RBMS1: variants seen among roughly 807,000 people sequenced by gnomAD.
RBMS1 encodes the protein RNA binding motif single stranded interacting protein 1, also known as RNA-binding motif, single-stranded-interacting protein 1.
A neutral mutation model predicts 62.3 loss-of-function variants in RBMS1; 17 were observed. The observed-to-expected ratio is 0.27, with a 90% confidence interval of 0.19 to 0.41. The LOEUF is 0.41. Ranked by LOEUF, RBMS1 falls within the 10% of genes least tolerant of loss-of-function variation. The pLI is 1.00. For synonymous variants in RBMS1, 172 were observed against 170.0 expected (o/e 1.01, Z -0.09); for missense variants, 334 against 504.5 (o/e 0.66, Z 3.24).
At chr2:160,461,730 G>T (rs1398780112) in intron 1 of RBMS1, among the ~76,000 whole-genome samples, 1 of 152,178 alleles carries the variant, frequency 6.6e-6, no homozygotes, top group African/African-American at 2.4e-5. Flanking sequence ...ACTCCATTTG[G>T]CTCACACAAG....
intron 1 of RBMS1, chr2:160,407,944 G>A (rs1287831372): frequency 2.0e-6 from 2 of 978,626 alleles, no homozygotes; most frequent in Non-Finnish European, 1.2e-6. Flanking sequence ...GCAGCGCACC[G>A]CCTCGCGCCG....
intron 1 of RBMS1, among the ~76,000 whole-genome samples, chr2:160,483,069 T>C (rs1208544105): frequency 7.0e-6 from 1 of 143,540 alleles, no homozygotes; most frequent in African/African-American, 2.6e-5. Context: ...GGTTAAAAAA[T>C]AATCTCTCTT....
At chr2:160,300,172 G>C (rs1689135375) in intron 6 of RBMS1, among the ~76,000 whole-genome samples, 1 of 152,210 alleles carries the variant, frequency 6.6e-6, no homozygotes, top group South Asian at 2.1e-4. Context: ...GGGAGTTAGA[G>C]TAAGTGTGAC....
chr2:160,320,229 AG>A (rs1375771957), intron 2 of RBMS1, among the ~76,000 whole-genome samples: 1 of 152,192 alleles, frequency 6.6e-6, no homozygotes, highest in African/African-American at 2.4e-5. Context: ...GCACTTTGGA[AG>A]GCCAAAGCCG....
chr2:160,278,540 C>T lies in RBMS1; in HGVS notation c.1062+8G>A. 1 of 1,604,554 alleles carries T rather than the reference C, an allele frequency of 6.2e-7. No homozygotes were observed. Among genetic ancestry groups the T allele is most frequent in the Non-Finnish European group, 8.5e-7 (1 of 1,172,278 alleles). ...TACAGAGACACATGATAATTATTTG[C>T]CACCTACTGTTCCGGTGCTGCCTAG... On this transcript the variant is annotated splice_region_variant and intron_variant, in intron 11 of 13. Coordinates refer to ENST00000348849, the MANE Select transcript of RBMS1 (RefSeq NM_016836.4).
chr2:160,466,272 G>A (rs1314726552), intron 1 of RBMS1, among the ~76,000 whole-genome samples: 1 of 151,718 alleles, frequency 6.6e-6, no homozygotes, highest in African/African-American at 2.4e-5. Context: ...TTCTTTTATG[G>A]CATTAAATGT....
rs1687706099 is a variant in RBMS1, at chr2:160,274,146, A to G, written c.*626T>C. The G allele has an allele frequency of 6.6e-6, 1 of 152,650 alleles. No individual in the cohort carries two copies. Among genetic ancestry groups the G allele is most frequent in the Non-Finnish European group, 1.5e-5 (1 of 68,034 alleles). The allele number at this position is 152,650 out of a possible 1,614,324, so 9.5% of individuals were successfully genotyped here. ...AACTAACTTTTACTGAAACAGCTAC[A>G]GCATCAAAAGAGTTAAGGCAAATTG... On this transcript the variant is annotated 3_prime_UTR_variant, in exon 14 of 14. Transcript: ENST00000348849.
chr2:160,404,038 G>A (rs935785678), intron 1 of RBMS1, among the ~76,000 whole-genome samples: 1 of 151,912 alleles, frequency 6.6e-6, no homozygotes, highest in African/African-American at 2.4e-5. Context: ...TGGTTTTTGG[G>A]GTGCTCTTTT....
At chr2:160,296,806 T>C (rs1317928956) in intron 6 of RBMS1, among the ~76,000 whole-genome samples, 1 of 152,186 alleles carries the variant, frequency 6.6e-6, no homozygotes, top group African/African-American at 2.4e-5. Flanking sequence ...AAAATCTGTG[T>C]TTTGGCAAAT....
intron 6 of RBMS1, among the ~76,000 whole-genome samples, chr2:160,294,797 C>T (rs944046126): frequency 6.6e-6 from 1 of 152,092 alleles, no homozygotes; most frequent in African/African-American, 2.4e-5. Context: ...TTATGTCTAC[C>T]TATCAATGAG....
chr2:160,426,301 G>GAAAAGAAA (rs1559537559), intron 1 of RBMS1, among the ~76,000 whole-genome samples: 302 of 28,344 alleles, frequency 0.011, no homozygotes, highest in Middle Eastern at 0.021. Flanking sequence ...AAAGAAAGAA[G>GAAAAGAAA]GAAGGAAGGA....
At chr2:160,314,354 T>C (rs1402915069) in intron 3 of RBMS1, among the ~76,000 whole-genome samples, 2 of 152,192 alleles carry the variant, frequency 1.3e-5, no homozygotes, top group Admixed American at 1.3e-4. Context: ...CTCAAACTAA[T>C]TGTAAATGAA....
intron 3 of RBMS1, among the ~76,000 whole-genome samples, chr2:160,316,951 A>C (rs1351112181): frequency 6.6e-6 from 1 of 152,198 alleles, no homozygotes. Flanking sequence ...ATAAATGTTA[A>C]ATAAGACTAA....
intron 10 of RBMS1, among the ~76,000 whole-genome samples, chr2:160,280,467 G>A (rs1157352755): frequency 1.3e-5 from 2 of 152,052 alleles, no homozygotes; most frequent in African/African-American, 2.4e-5. Context: ...GTCTTACATC[G>A]CAGTATCCAC....
chr2:160,412,587 T>C (rs901689977), intron 1 of RBMS1, among the ~76,000 whole-genome samples: 4 of 152,216 alleles, frequency 2.6e-5, no homozygotes, highest in African/African-American at 9.6e-5. Context: ...TTGTAAACCA[T>C]AGAGCGCCCA....
intron 1 of RBMS1, among the ~76,000 whole-genome samples, chr2:160,384,197 AAAAT>A (rs972561650): frequency 9.2e-5 from 14 of 152,210 alleles, no homozygotes; most frequent in African/African-American, 2.7e-4. Flanking sequence ...ACTCTGTCTC[AAAAT>A]AAATAAATAA....
In RBMS1 at chr2:160,318,233, A is replaced by G; in HGVS notation, c.252-6T>C. The G allele has an allele frequency of 8.4e-7, 1 of 1,190,938 alleles. No homozygotes were observed. Among genetic ancestry groups the G allele is most frequent in the Non-Finnish European group, 1.1e-6 (1 of 894,398 alleles). 73.8% of individuals were successfully genotyped at this position (1,190,938 alleles called of 1,614,324 possible). ...TGGAGACTATTTTCCCATATCTAAAAAAAAAAAAAAAAAAAAAAAGGAAAA... is the reference window on the plus strand; with the variant it reads ...TGGAGACTATTTTCCCATATCTAAAGAAAAAAAAAAAAAAAAAAAGGAAAA... On this transcript the variant is annotated splice_polypyrimidine_tract_variant and splice_region_variant and intron_variant, in intron 2 of 13. Coordinates refer to ENST00000348849, the MANE Select transcript of RBMS1 (RefSeq NM_016836.4).
In RBMS1 at chr2:160,281,338, A is replaced by C; in HGVS notation, c.927T>G (p.Pro309=). The C allele has an allele frequency of 6.2e-7, 1 of 1,610,354 alleles. No individual in the cohort carries two copies. The highest frequency in any genetic ancestry group is 8.5e-7 in the Non-Finnish European group (1 of 1,177,574). Reference sequence around the variant, plus strand: ...CAGGGTGCTGTAGAATATATGGTTGAGGTTGCATCCACGAAGGACTTTGCA... The same window carrying C: ...CAGGGTGCTGTAGAATATATGGTTGCGGTTGCATCCACGAAGGACTTTGCA... ...YQVQSPSWMQ[P]QPYILQHPGA... The change falls in exon 10 of 14, where the codon CCT becomes CCG. Residue 309 remains proline, a synonymous_variant. Coordinates refer to ENST00000348849, the MANE Select transcript of RBMS1 (RefSeq NM_016836.4).
At chr2:160,373,803 C>A (rs1559464368) in intron 1 of RBMS1, among the ~76,000 whole-genome samples, 1 of 152,096 alleles carries the variant, frequency 6.6e-6, no homozygotes, top group Non-Finnish European at 1.5e-5. Flanking sequence ...GGGTTCCCAG[C>A]CTTAGCTACC....
Sources: gnomAD v4.1 joint callset for allele counts (sites outside exome capture counted in the v4.1 genomes callset) on GRCh38, gnomAD v4.1.1 for gene constraint, MANE v1.5 for transcripts, NCBI Gene and HGNC (gene_info 2026-07-23, HGNC 2026-07-21) for gene names.